OCA2: variants seen among roughly 807,000 people sequenced by gnomAD.
The protein encoded by OCA2 is P protein.
In OCA2, 77 loss-of-function variants were observed where a neutral mutation model predicts 100.2. That is an observed-to-expected ratio of 0.77 (90% confidence interval 0.64 to 0.93). The LOEUF is 0.93. OCA2 is among the 40% of genes least tolerant of loss of function. The probability of loss-of-function intolerance (pLI) is 0.00; values close to 1 mark genes in which losing one functional copy is unlikely to be tolerated. For synonymous variants in OCA2, 432 were observed against 439.2 expected (o/e 0.98, Z 0.21); for missense variants, 1,062 against 1,089.1 (o/e 0.98, Z 0.35).
At chr15:27,979,288 G>T (rs2041068759) in intron 14 of OCA2, among the ~76,000 whole-genome samples, 1 of 152,186 alleles carries the variant, frequency 6.6e-6, no homozygotes, top group Admixed American at 6.5e-5. Context: ...TTTGGCTTAT[G>T]ATATTTTTAA....
At chr15:27,753,391 G>A (rs961900805), downstream of OCA2, among the ~76,000 whole-genome samples, 8 of 151,898 alleles carry the variant, frequency 5.3e-5, no homozygotes, top group Non-Finnish European at 1.2e-4. Context: ...GGAGGCTGGG[G>A]GTATGAGCAA....
rs1244505985 is a variant in OCA2 at position 27,853,136 on chromosome 15, C to T, written c.2245-1661G>A. Among the ~76,000 whole-genome samples, 10 of 116,950 alleles carry T rather than the reference C, an allele frequency of 8.6e-5. No homozygotes were observed. In the East Asian group the frequency reaches 1.5e-3, roughly 18 times the overall value. 76.7% of individuals were successfully genotyped at this position (116,950 alleles called of 152,430 possible). A position where few individuals can be genotyped will look rare whatever the true frequency, so the allele number is the denominator to read the frequency against. On this transcript the variant is annotated intron_variant, in intron 21 of 23. Coordinates refer to ENST00000354638, the MANE Select transcript of OCA2 (RefSeq NM_000275.3). ...GACACATGCACACGTATGTTTATTG[C>T]GGCACTATTCACAATAGCAAAGACT...
At chr15:27,871,409 C>G in intron 20 of OCA2, 151 bp from the exon 21 acceptor site, 2 of 697,712 alleles carry the variant, frequency 2.9e-6, no homozygotes, top group Non-Finnish European at 5.2e-6. Flanking sequence ...AAGCCAGGGC[C>G]ACACCCACAC....
chr15:27,985,983 G>A (rs539571262), intron 12 of OCA2, among the ~76,000 whole-genome samples: 13 of 152,272 alleles, frequency 8.5e-5, no homozygotes, highest in East Asian at 7.7e-4. Flanking sequence ...GAGCCACTGC[G>A]CCCAGCCTGT....
chr15:27,941,366 C>G (rs1198248858), intron 18 of OCA2, among the ~76,000 whole-genome samples: 1 of 152,138 alleles, frequency 6.6e-6, no homozygotes, highest in African/African-American at 2.4e-5. Flanking sequence ...AGTTTAAAAG[C>G]TAATGTGGTA....
intron 19 of OCA2, among the ~76,000 whole-genome samples, chr15:27,912,086 T>A (rs1283994959): frequency 6.6e-6 from 1 of 152,128 alleles, no homozygotes; most frequent in Non-Finnish European, 1.5e-5. Context: ...AAGAGGCAAA[T>A]CTTATGGTGC....
chr15:27,852,804 C>CA (rs201512594), intron 21 of OCA2, among the ~76,000 whole-genome samples: 44 of 131,178 alleles, frequency 3.4e-4, no homozygotes, highest in Middle Eastern at 7.7e-3. Flanking sequence ...TTTATGCAGC[C>CA]AAAAAACACA....
chr15:27,955,337 G>A (rs2040186194), intron 16 of OCA2, 122 bp from the exon 17 acceptor site: 1 of 788,394 alleles, frequency 1.3e-6, no homozygotes, highest in Non-Finnish European at 2.3e-6. Context: ...TGGCTGGCAG[G>A]ACTAGTCATG....
chr15:28,096,056 G>C (rs888858532), intron 1 of OCA2, among the ~76,000 whole-genome samples: 2 of 152,174 alleles, frequency 1.3e-5, no homozygotes, highest in Non-Finnish European at 2.9e-5. Context: ...TCGGAGCACG[G>C]CCCTTCTCTC....
At chr15:28,041,404 C>T (rs920276935) in intron 2 of OCA2, among the ~76,000 whole-genome samples, 5 of 151,464 alleles carry the variant, frequency 3.3e-5, no homozygotes, top group East Asian at 1.9e-4. Flanking sequence ...TTATGAAAAA[C>T]GCACAGCTAA....
At chr15:28,003,945 C>A (rs1206830663) in intron 9 of OCA2, among the ~76,000 whole-genome samples, 1 of 152,230 alleles carries the variant, frequency 6.6e-6, no homozygotes, top group African/African-American at 2.4e-5. Context: ...AACCGAGGGA[C>A]TCAACCTGTC....
intron 2 of OCA2, among the ~76,000 whole-genome samples, chr15:28,046,534 T>C (rs1373532112): frequency 6.6e-6 from 1 of 152,132 alleles, no homozygotes; most frequent in African/African-American, 2.4e-5. Flanking sequence ...AGTCGCATCA[T>C]GCTCCATCTC....
intron 16 of OCA2, among the ~76,000 whole-genome samples, chr15:27,956,817 C>G (rs2040237961): frequency 6.6e-6 from 1 of 152,220 alleles, no homozygotes; most frequent in African/African-American, 2.4e-5. Context: ...CCTGTGAATC[C>G]TCCCACTAAC....
intron 18 of OCA2, among the ~76,000 whole-genome samples, chr15:27,934,857 C>T (rs1006110904): frequency 6.6e-6 from 1 of 152,202 alleles, no homozygotes; most frequent in Non-Finnish European, 1.5e-5. Context: ...AAGACCTTGT[C>T]CCTGCAAAAC....
the OCA2 span, among the ~76,000 whole-genome samples, chr15:27,724,373 C>T: frequency 3.1e-4 from 47 of 152,216 alleles, no homozygotes; most frequent in African/African-American, 1.1e-3. Context: ...AATCATCACC[C>T]CTCTGTGCAC....
intron 1 of OCA2, among the ~76,000 whole-genome samples, chr15:28,090,883 A>G (rs927316797): frequency 3.3e-5 from 5 of 152,196 alleles, no homozygotes; most frequent in African/African-American, 1.2e-4. Flanking sequence ...AAAACAGTAG[A>G]AAAAAATCAA....
chr15:27,726,262 C>T, the OCA2 span, among the ~76,000 whole-genome samples: 1 of 151,950 alleles, frequency 6.6e-6, no homozygotes, highest in African/African-American at 2.4e-5. Flanking sequence ...CATGCCACTA[C>T]ACTCTAGCCT....
intron 19 of OCA2, among the ~76,000 whole-genome samples, chr15:27,924,430 T>A (rs998874081): frequency 3.9e-5 from 6 of 152,130 alleles, no homozygotes. Flanking sequence ...TCTCTTAATA[T>A]AAAATACATT....
chr15:27,913,892 A>AAAGAAAGAAAGAAAGAAAGC (rs2038538889), intron 19 of OCA2, among the ~76,000 whole-genome samples: 1 of 37,426 alleles, frequency 2.7e-5, no homozygotes, highest in Non-Finnish European at 4.6e-5. Context: ...AGAAAGAAAG[A>AAAGAAAGAAAGAAAGAAAGC]AAGCAAGCAA....
Sources: gnomAD v4.1 joint callset for allele counts (sites outside exome capture counted in the v4.1 genomes callset) on GRCh38, gnomAD v4.1.1 for gene constraint, MANE v1.5 for transcripts, NCBI Gene and HGNC (gene_info 2026-07-23, HGNC 2026-07-21) for gene names.